Variants in ANO9 observed in about 807,000 individuals in gnomAD.
ANO9 encodes the protein anoctamin 9.
Under a neutral mutation model 100.5 loss-of-function variants are expected in ANO9, and 80 were observed. The ratio of observed to expected loss-of-function variants is 0.80; its 90% confidence interval spans 0.66 to 0.96. The LOEUF is 0.96. ANO9 is among the 40% of genes least tolerant of loss of function. The pLI, the probability that ANO9 is intolerant of heterozygous loss-of-function variation, is 0.00. For missense variants in ANO9, 1,064 were observed against 1,072.7 expected (o/e 0.99, Z 0.11); for synonymous variants, 473 against 435.6 (o/e 1.09, Z -1.07).
At chr11:433,707 C>G in intron 3 of ANO9, 108 bp downstream of exon 3, 2 of 1,463,588 alleles carry the variant, frequency 1.4e-6, no homozygotes, top group South Asian at 2.8e-5. Flanking sequence ...ATGACCGGCC[C>G]CACAGCCCTG....
chr11:441,990 T>A lies in ANO9; in HGVS notation c.-64A>T. The A allele has an allele frequency of 8.3e-6, 13 of 1,571,508 alleles. No individual in the cohort carries two copies. Among genetic ancestry groups the A allele is most frequent in the Non-Finnish European group, 1.1e-5 (13 of 1,166,676 alleles). On this transcript the variant is annotated 5_prime_UTR_variant, in exon 1 of 23. Transcript: ENST00000332826. Reference sequence around the variant, plus strand: ...CAGGAGAGTGGCTGCCAGCGGCGGGTGCTCCTACCTGACTTCCGCGTGGGG... The same window carrying A: ...CAGGAGAGTGGCTGCCAGCGGCGGGAGCTCCTACCTGACTTCCGCGTGGGG...
At position 433,865 on chromosome 11, in the gene ANO9, G is replaced by C. The variant is rs762968393; in HGVS notation, c.154C>G (p.Arg52Gly). ...AGCTCCTCCAGGAACTGTTGCTGCC[G>C]CGCCTGCCGGGGGTCTCTCTGGGTG... ...RHTQRDPRQA[R>G]QQQFLEELRR... Residue 52 changes from arginine (R) to glycine (G), a missense_variant, in exon 3 of 23, where the codon CGG becomes GGG. Coordinates refer to ENST00000332826, the MANE Select transcript of ANO9 (RefSeq NM_001012302.3). 1.9e-6 allele frequency: 3 copies of C among 1,563,320 alleles called. No homozygotes were observed. Among genetic ancestry groups the C allele is most frequent in the Non-Finnish European group, 2.6e-6 (3 of 1,154,016 alleles).
chr11:433,594 G>A (rs1321736029), intron 3 of ANO9, 135 bp from the exon 4 acceptor site: 15 of 1,413,676 alleles, frequency 1.1e-5, no homozygotes, highest in South Asian at 5.5e-5. Context: ...TTCATCTGCC[G>A]CTGTGGCCCA....
chr11:421,125 C>G lies in ANO9; in HGVS notation c.1392+16G>C, dbSNP rs1353766605. 1.9e-6 allele frequency: 3 copies of G among 1,572,158 alleles called. No homozygotes were observed. The highest frequency in any genetic ancestry group is 2.6e-6 in the Non-Finnish European group (3 of 1,153,960). On this transcript the variant is annotated intron_variant, in intron 16 of 22. Transcript: ENST00000332826. The surrounding 1 kb of genome is among the most constrained non-coding windows in gnomAD (Gnocchi z 6.8). ...AGTGGCTCAGGGACAGGGCATGAAG[C>G]CTGGGGGTGACTGACCTCTTCCAGC...
At position 418,451 on chromosome 11, in the gene ANO9, C is replaced by T. The variant is rs1176975255; in HGVS notation, c.2269G>A (p.Val757Met). Residue 757 changes from valine (V) to methionine (M), a missense_variant, in exon 23 of 23, where the codon GTG becomes ATG. Transcript: ENST00000332826. The stretch of plus-strand genomic sequence containing the variant: ...ATTGGGGGCCGAGAGCCTGCCCCCA[C>T]CCCACCCAGCCTCTGCCTTCCATGC... ...MWHGRQRLGGVGAGSRPPMPA... is the reference protein window; with the variant it reads ...MWHGRQRLGGMGAGSRPPMPA... The T allele has an allele frequency of 6.2e-7, 1 of 1,612,782 alleles. No individual in the cohort carries two copies. Among genetic ancestry groups the T allele is most frequent in the Non-Finnish European group, 8.5e-7 (1 of 1,179,910 alleles).
intron 19 of ANO9, chr11:419,944 A>G: frequency 7.1e-7 from 1 of 1,401,500 alleles, no homozygotes; most frequent in Non-Finnish European, 9.3e-7. Flanking sequence ...ACAGGGAGGA[A>G]CCTGGGAATC....
intron 11 of ANO9, 170 bp downstream of exon 11, chr11:429,400 C>A: frequency 6.9e-7 from 1 of 1,441,904 alleles, no homozygotes. Flanking sequence ...GAGACAGACA[C>A]AGGGACACGC....
chr11:421,182 CG>C lies in ANO9; in HGVS notation c.1350del (p.Lys452SerfsTer20). ...AAGCCCGCCAGGCGCGTGGACTTCC[CG>C]GGGTGGCCGTTGATCCTGGGGAGGA... The part of the protein sequence containing the change: ...AFILGRINGH[P>X]GKSTRLAGLW... On this transcript the variant is annotated frameshift_variant, in exon 16 of 23. Coordinates refer to ENST00000332826, the MANE Select transcript of ANO9 (RefSeq NM_001012302.3). LOFTEE classifies it high-confidence loss of function. This position sits in a 1 kb window ranked among gnomAD's most constrained non-coding sequence, Gnocchi z 6.8. The C allele has an allele frequency of 6.4e-7, 1 of 1,555,490 alleles. No homozygotes were observed.
At position 421,370 on chromosome 11, in the gene ANO9, GCACACACA is replaced by G. The variant is rs148462393; in HGVS notation, c.1335-180_1335-173del. 5.8e-6 allele frequency: 3 copies of G among 520,004 alleles called. No individual in the cohort carries two copies. The highest frequency in any genetic ancestry group is 6.2e-5 in the South Asian group (2 of 32,442). 32.2% of individuals were successfully genotyped at this position (520,004 alleles called of 1,614,324 possible). On this transcript the variant is annotated intron_variant, in intron 15 of 22. Coordinates refer to ENST00000332826, the MANE Select transcript of ANO9 (RefSeq NM_001012302.3). The surrounding 1 kb of genome is among the most constrained non-coding windows in gnomAD (Gnocchi z 6.8). ...ATGAACCGCACCCGCACGTGGGCAC[GCACACACA>G]CACACACACACACAGGGGAGGCCAC...
At chr11:423,885 TCACACACACACACACA>T (rs57182615) in intron 15 of ANO9, among the ~76,000 whole-genome samples, 1 of 143,400 alleles carries the variant, frequency 7.0e-6, no homozygotes, top group Admixed American at 6.9e-5. Context: ...AGTTGAATAC[TCACACACACACACACA>T]CACACACACA....
rs1249772914 is a variant in ANO9, at chr11:431,868, C to T, written c.445G>A (p.Ala149Thr). The part of the protein sequence containing the change: ...EDLMKDGVFE[A>T]RFPLHKGEGR... ...CTCACCTTGTGCAGGGGGAACCTGG[C>T]CTCAAAGACCCCGTCCTTCATCAGA... Residue 149 changes from alanine to threonine, a missense_variant, in exon 6 of 23, where the codon GCC (alanine) becomes ACC (threonine). Physicochemically the swap from Ala to Thr is moderately conservative, Grantham distance 58. Coordinates refer to ENST00000332826, the MANE Select transcript of ANO9 (RefSeq NM_001012302.3). 2 of 1,610,498 alleles carry T rather than the reference C, an allele frequency of 1.2e-6. No individual in the cohort carries two copies. The highest frequency in any genetic ancestry group is 1.7e-6 in the Non-Finnish European group (2 of 1,178,150).
intron 9 of ANO9, 49 bp downstream of exon 9, chr11:430,034 A>G (rs1247740387): frequency 5.9e-6 from 9 of 1,529,224 alleles, no homozygotes; most frequent in Non-Finnish European, 8.0e-6. Context: ...GGGTGGATGC[A>G]CCGTTCCCAT....
chr11:428,878 G>A (rs748192090), intron 11 of ANO9, 52 bp from the exon 12 acceptor site: 2 of 1,551,346 alleles, frequency 1.3e-6, no homozygotes, highest in African/African-American at 1.4e-5. Flanking sequence ...CCCCACATGT[G>A]GGGAGACAGA....
At chr11:425,601 G>A (rs1412833232) in intron 15 of ANO9, among the ~76,000 whole-genome samples, 6 of 148,606 alleles carry the variant, frequency 4.0e-5, no homozygotes, top group Non-Finnish European at 7.4e-5. Flanking sequence ...TTCATGCTAC[G>A]ATAACCTAAC....
rs1848632728 is a variant in ANO9 at position 428,075 on chromosome 11, G to T, written c.1334+13C>A. 3.1e-6 allele frequency: 5 copies of T among 1,591,148 alleles called. No homozygotes were observed. The East Asian group carries it at 1.1e-4, about 36-fold the overall frequency. ...CGTGAGTTGGGTTGGAGGGAGCCTG[G>T]CGCCGGCCCTACCTGCCCAGGATGA... On this transcript the variant is annotated intron_variant, in intron 15 of 22. Transcript: ENST00000332826.
intron 11 of ANO9, among the ~76,000 whole-genome samples, chr11:429,059 C>G (rs797022320): frequency 5.4e-5 from 7 of 130,054 alleles, no homozygotes; most frequent in Non-Finnish European, 8.0e-5. Flanking sequence ...CACAGGGACA[C>G]GCCTCACGGG....
At chr11:436,413 T>C (rs1590526891) in intron 1 of ANO9, among the ~76,000 whole-genome samples, 1 of 152,114 alleles carries the variant, frequency 6.6e-6, no homozygotes, top group Non-Finnish European at 1.5e-5. Context: ...AGTCCAGGTC[T>C]GGCCTCCAGC....
intron 1 of ANO9, among the ~76,000 whole-genome samples, chr11:441,402 G>A (rs1264664587): frequency 7.2e-5 from 11 of 152,050 alleles, no homozygotes; most frequent in African/African-American, 1.2e-4. Flanking sequence ...AGCAGCAGTC[G>A]GCCCCCACCT....
At position 429,321 on chromosome 11, in the gene ANO9, C is replaced by A. The variant is rs116294049; in HGVS notation, c.915+249G>T. The stretch of plus-strand genomic sequence containing the variant: ...ACAGACATGGGACACGCACCCCACA[C>A]GTGGGGAGACAGACACAGCGACACG... On this transcript the variant is annotated intron_variant, in intron 11 of 22. Transcript: ENST00000332826. Among the ~76,000 whole-genome samples the A allele has an allele frequency of 9.4e-3, 1,352 of 144,038 alleles. 23 individuals are homozygous for A. Among genetic ancestry groups the A allele is most frequent in the African/African-American group, 0.034 (1,285 of 38,142 alleles). 94.5% of individuals were successfully genotyped at this position (144,038 alleles called of 152,430 possible).
Sources: allele counts gnomAD v4.1 joint callset (sites outside exome capture counted in the v4.1 genomes callset), GRCh38; gene constraint gnomAD v4.1.1; non-coding constraint Gnocchi (gnomAD v3.1); transcripts MANE v1.5; gene names NCBI Gene and HGNC (gene_info 2026-07-23, HGNC 2026-07-21).